The following MED28 variants were observed in gnomAD, a reference collection of about 807,000 sequenced individuals.
MED28 encodes mediator complex subunit 28.
A neutral mutation model predicts 21.3 loss-of-function variants in MED28; 26 were observed. That is an observed-to-expected ratio of 1.22 (90% CI 0.89 to 1.69). The LOEUF is 1.69. Ranked by LOEUF, MED28 falls within the 40% of genes most tolerant of loss-of-function variation. The pLI, the probability that MED28 is intolerant of heterozygous loss-of-function variation, is 0.00. For missense variants in MED28, 257 were observed against 215.4 expected (o/e 1.19, Z -1.21); for synonymous variants, 110 against 87.6 (o/e 1.26, Z -1.43).
rs1184531320 is a variant in MED28 at position 17,614,683 on chromosome 4, C to G, written c.29C>G (p.Ser10Cys). 2 of 1,613,360 alleles carry G rather than the reference C, an allele frequency of 1.2e-6. No homozygotes were observed. The highest frequency in any genetic ancestry group is 8.5e-7 in the Non-Finnish European group (1 of 1,179,846). Residue 10 changes from serine (S) to cysteine (C), a missense_variant, in exon 1 of 4, where the codon TCT (serine) becomes TGT (cysteine). Physicochemically the swap from Ser to Cys is moderately radical, Grantham distance 112. Transcript: ENST00000237380. Reference sequence around the variant, plus strand: ...GCGGCTCCACTAGGGGGTATGTTTTCTGGGCAGCCACCCGGTCCCCCTCAG... The same window carrying G: ...GCGGCTCCACTAGGGGGTATGTTTTGTGGGCAGCCACCCGGTCCCCCTCAG... The part of the protein sequence containing the change: MAAPLGGMF[S>C]GQPPGPPQAP...
chr4:17,616,025 A>G (rs1323318211), intron 1 of MED28, among the ~76,000 whole-genome samples: 6 of 151,746 alleles, frequency 4.0e-5, no homozygotes, highest in Non-Finnish European at 7.4e-5. Context: ...CAGTGGCGCA[A>G]TTTCGGCTTA....
At chr4:17,616,561 C>T (rs1486149515) in intron 1 of MED28, among the ~76,000 whole-genome samples, 1 of 152,224 alleles carries the variant, frequency 6.6e-6, no homozygotes, top group Non-Finnish European at 1.5e-5. Flanking sequence ...CTCCTTCAGA[C>T]TCGTTTCCTT....
chr4:17,622,807 A>G (rs576084859), intron 3 of MED28, among the ~76,000 whole-genome samples: 1 of 152,352 alleles, frequency 6.6e-6, no homozygotes, highest in East Asian at 1.9e-4. Context: ...CAATCATGGC[A>G]GAAGGTGAAA....
At chr4:17,622,285 A>G (rs56279814) in intron 3 of MED28, among the ~76,000 whole-genome samples, 9,622 of 152,288 alleles carry the variant, frequency 0.063, 372 homozygotes, top group Non-Finnish European at 0.08. Flanking sequence ...AAAGCCGGCA[A>G]TGCCCTCAGT....
chr4:17,621,594 T>G lies in MED28; in HGVS notation c.234T>G (p.Asp78Glu). 1 of 1,577,462 alleles carries G rather than the reference T, an allele frequency of 6.3e-7. No individual in the cohort carries two copies. Among genetic ancestry groups the G allele is most frequent in the Non-Finnish European group, 8.6e-7 (1 of 1,165,836 alleles). Reference protein sequence around the residue: ...TDQEEIRTGVDQCIQKFLDIA... With the variant: ...TDQEEIRTGVEQCIQKFLDIA... ...TGTTCCTTTTTTTTTAAGGTGTTGATCAGTGTATCCAGAAGTTTCTGGATA... is the reference window on the plus strand; with the variant it reads ...TGTTCCTTTTTTTTTAAGGTGTTGAGCAGTGTATCCAGAAGTTTCTGGATA... Residue 78 changes from aspartate (D) to glutamate (E), a missense_variant, in exon 3 of 4, where the codon GAT (aspartate) becomes GAG (glutamate). Coordinates refer to ENST00000237380, the MANE Select transcript of MED28 (RefSeq NM_025205.5).
At position 17,624,015 on chromosome 4, in the gene MED28, AT is replaced by A. The variant is rs537286105; in HGVS notation, c.*227del. 0.025 allele frequency: 10,725 copies of A among 435,834 alleles called. No homozygotes were observed. The highest frequency in any genetic ancestry group is 0.034 in the South Asian group (1,007 of 29,320). The allele number at this position is 435,834 out of a possible 1,614,324, so 27.0% of individuals were successfully genotyped here. A position where few individuals can be genotyped will look rare whatever the true frequency, so the allele number is the denominator to read the frequency against. ...TGTAGCTTGGATAAACCAAGTAAGT[AT>A]TTTTTTTTTGTCTTTAGCAAAGTTT... On this transcript the variant is annotated 3_prime_UTR_variant, in exon 4 of 4. Coordinates refer to ENST00000237380, the MANE Select transcript of MED28 (RefSeq NM_025205.5).
At chr4:17,622,033 GA>G (rs1467747676) in intron 3 of MED28, among the ~76,000 whole-genome samples, 2 of 152,190 alleles carry the variant, frequency 1.3e-5, no homozygotes, top group Non-Finnish European at 2.9e-5. Flanking sequence ...CAAAAACTGA[GA>G]TCTGTGTCCC....
chr4:17,621,188 A>G (rs1714618441), intron 2 of MED28, among the ~76,000 whole-genome samples: 1 of 151,288 alleles, frequency 6.6e-6, no homozygotes, highest in East Asian at 2.0e-4. Flanking sequence ...TAATTTTTGT[A>G]TTTTTAGTAG....
rs1409663531 is a variant in MED28 at position 17,632,416 on chromosome 4, C to T, written c.*8618C>T. 8 of 877,060 alleles carry T rather than the reference C, an allele frequency of 9.1e-6. No homozygotes were observed. Among genetic ancestry groups the T allele is most frequent in the Middle Eastern group, 2.8e-4 (1 of 3,580 alleles). 54.3% of individuals were successfully genotyped at this position (877,060 alleles called of 1,614,324 possible). ...TAACGCCAAAATTTGTTTTAGCTAT[C>T]ATATATAAATCATAAGCATATTATT... On this transcript the variant is annotated 3_prime_UTR_variant, in exon 4 of 4. Coordinates refer to ENST00000237380, the MANE Select transcript of MED28 (RefSeq NM_025205.5).
chr4:17,622,464 G>A (rs1477781524), intron 3 of MED28, among the ~76,000 whole-genome samples: 3 of 152,188 alleles, frequency 2.0e-5, no homozygotes, highest in Admixed American at 6.5e-5. Flanking sequence ...AACAGTGCAG[G>A]TATGTCCAAG....
intron 1 of MED28, among the ~76,000 whole-genome samples, chr4:17,619,226 G>C (rs56810042): frequency 6.6e-6 from 1 of 152,128 alleles, no homozygotes; most frequent in African/African-American, 2.4e-5. Context: ...GTGCCCTTTA[G>C]AGATAACTCT....
chr4:17,617,071 G>T (rs1046656750), intron 1 of MED28, among the ~76,000 whole-genome samples: 1 of 152,208 alleles, frequency 6.6e-6, no homozygotes, highest in Non-Finnish European at 1.5e-5. Context: ...AGCACATATA[G>T]GTGTGGACAT....
Position 17,628,566 on chromosome 4 carries a change from C to CT in MED28, c.*4770dup, listed in dbSNP as rs1714833540. On this transcript the variant is annotated 3_prime_UTR_variant, in exon 4 of 4. Transcript: ENST00000237380. ...GGTTCTCTGTGATGAATAGACCCAA[C>CT]TTGTTCAAATACAGGCATTTCTGGT... 1 of 152,060 alleles carries CT rather than the reference C, an allele frequency of 6.6e-6. No individual in the cohort carries two copies. The highest frequency in any genetic ancestry group is 1.5e-5 in the Non-Finnish European group (1 of 68,018). The allele number at this position is 152,060 out of a possible 1,614,324, so 9.4% of individuals were successfully genotyped here.
chr4:17,620,476 G>A (rs1714591097), intron 2 of MED28, among the ~76,000 whole-genome samples: 2 of 151,710 alleles, frequency 1.3e-5, no homozygotes, highest in Non-Finnish European at 2.9e-5. Flanking sequence ...TGGAACTACA[G>A]GCATGCACTA....
chr4:17,616,678 CCTT>C (rs1208426959), intron 1 of MED28, among the ~76,000 whole-genome samples: 4 of 152,212 alleles, frequency 2.6e-5, no homozygotes, highest in African/African-American at 9.7e-5. Context: ...CCTTCCCTGG[CCTT>C]CTTTTTAATA....
At chr4:17,616,536 T>C (rs1714457074) in intron 1 of MED28, among the ~76,000 whole-genome samples, 1 of 152,230 alleles carries the variant, frequency 6.6e-6, no homozygotes, top group Non-Finnish European at 1.5e-5. Flanking sequence ...TCCCAGGCTT[T>C]GCATGTTGCG....
rs1166840628 is a variant in MED28 at position 17,628,412 on chromosome 4, T to C, written c.*4614T>C. The C allele has an allele frequency of 6.6e-6, 1 of 152,038 alleles. No homozygotes were observed. Among genetic ancestry groups the C allele is most frequent in the Admixed American group, 6.6e-5 (1 of 15,246 alleles). The allele number at this position is 152,038 out of a possible 1,614,324, so 9.4% of individuals were successfully genotyped here. ...TCCACCTTCCTATAAATAAGATGTA[T>C]TGAGATGCTCAGTGCCCCCATTCTG... On this transcript the variant is annotated 3_prime_UTR_variant, in exon 4 of 4. Transcript: ENST00000237380.
rs1714940155 is a variant in MED28, at chr4:17,631,473, T to TTTGAC, written c.*7678_*7682dup. ...AGCCATGTGCCCAGTCTAGAAGATC[T>TTTGAC]TTGACTTCAAAGAACAGATAATCTA... On this transcript the variant is annotated 3_prime_UTR_variant, in exon 4 of 4. Coordinates refer to ENST00000237380, the MANE Select transcript of MED28 (RefSeq NM_025205.5). 6.6e-6 allele frequency: 1 copy of TTTGAC among 152,186 alleles called. No individual in the cohort carries two copies. Among genetic ancestry groups the TTTGAC allele is most frequent in the African/African-American group, 2.4e-5 (1 of 41,440 alleles). The allele number at this position is 152,186 out of a possible 1,614,324, so 9.4% of individuals were successfully genotyped here.
intron 2 of MED28, among the ~76,000 whole-genome samples, chr4:17,621,380 A>G (rs952559222): frequency 1.5e-4 from 23 of 151,162 alleles, no homozygotes; most frequent in African/African-American, 5.3e-4. Context: ...TTTTTTTTTA[A>G]CCTGAGAAAA....
Sources: allele counts gnomAD v4.1 joint callset (sites outside exome capture counted in the v4.1 genomes callset), GRCh38; gene constraint gnomAD v4.1.1; transcripts MANE v1.5; gene names NCBI Gene and HGNC (gene_info 2026-07-23, HGNC 2026-07-21).